The following IGF2R variants were observed in gnomAD, a reference collection of about 807,000 sequenced individuals.
IGF2R encodes the protein cation-independent mannose-6-phosphate receptor.
Under a neutral mutation model 270.6 loss-of-function variants are expected in IGF2R, and 91 were observed. That is an observed-to-expected ratio of 0.34 (90% CI 0.28 to 0.40). The LOEUF is 0.40. IGF2R is among the 10% of genes least tolerant of loss of function. The pLI, the probability that IGF2R is intolerant of heterozygous loss-of-function variation, is 1.00. For missense variants in IGF2R, 2,805 were observed against 3,188.3 expected (o/e 0.88, Z 2.90); for synonymous variants, 1,316 against 1,258.9 (o/e 1.05, Z -0.96).
intron 1 of IGF2R, among the ~76,000 whole-genome samples, chr6:159,976,271 T>A (rs927196305): frequency 6.6e-6 from 1 of 152,160 alleles, no homozygotes; most frequent in Non-Finnish European, 1.5e-5. Context: ...CCTAGAAAAT[T>A]GTCATTTTAA....
Position 160,085,262 on chromosome 6 carries a change from C to G in IGF2R, c.6205+131C>G, listed in dbSNP as rs944378109. On this transcript the variant is annotated intron_variant, in intron 41 of 47. Coordinates refer to ENST00000356956, the MANE Select transcript of IGF2R (RefSeq NM_000876.4). ...AACCTCCAGATATGATTGCCTGTCA[C>G]TGTCTCACAGGCATTTTGGCTCTCC... 7.4e-6 allele frequency: 7 copies of G among 941,808 alleles called. No individual in the cohort carries two copies. The African/African-American group carries it at 1.2e-4, about 16-fold the overall frequency. 58.3% of individuals were successfully genotyped at this position (941,808 alleles called of 1,614,324 possible). A position where few individuals can be genotyped will look rare whatever the true frequency, so the allele number is the denominator to read the frequency against.
rs59215791 is a variant in IGF2R at position 160,000,728 on chromosome 6, GTTTTTTTTTTTTTTT to G, written c.290-8271_290-8257del. Among the ~76,000 whole-genome samples the G allele has an allele frequency of 2.4e-3, 166 of 69,974 alleles. 3 individuals carry two copies. The highest frequency in any genetic ancestry group is 9.7e-3 in the African/African-American group (163 of 16,740). 45.9% of individuals were successfully genotyped at this position (69,974 alleles called of 152,430 possible). A position where few individuals can be genotyped will look rare whatever the true frequency, so the allele number is the denominator to read the frequency against. ...GGAAGATAATAGTTGGTGTGAGGTT[GTTTTTTTTTTTTTTT>G]TTTTTTTTTTGAGACAGAATCTTGC... On this transcript the variant is annotated intron_variant, in intron 2 of 47. Coordinates refer to ENST00000356956, the MANE Select transcript of IGF2R (RefSeq NM_000876.4).
chr6:160,101,371 C>T (rs1009754578), intron 45 of IGF2R, among the ~76,000 whole-genome samples: 1 of 152,178 alleles, frequency 6.6e-6, no homozygotes, highest in Non-Finnish European at 1.5e-5. Context: ...GCATAGCTCT[C>T]AGACCTGTCT....
chr6:160,046,713 A>G, intron 15 of IGF2R, 68 bp downstream of exon 15: 1 of 1,506,682 alleles, frequency 6.6e-7, no homozygotes, highest in Non-Finnish European at 9.1e-7. Context: ...TTTCAGGAAT[A>G]GGTGTGTTCT....
chr6:160,043,244 G>A lies in IGF2R; in HGVS notation c.1577G>A (p.Gly526Asp), dbSNP rs1351477394. The change falls in exon 12 of 48, where the codon GGC becomes GAC. Residue 526 changes from glycine to aspartate, a missense_variant. Coordinates refer to ENST00000356956, the MANE Select transcript of IGF2R (RefSeq NM_000876.4). ...ATTTGTCACAGAGTGCTGCAGGAAG[G>A]CAAGGCACGAGGGTGTCCCGAGGAC... ...INICHRVLQE[G>D]KARGCPEDAA... The A allele has an allele frequency of 1.9e-6, 3 of 1,614,116 alleles. No individual in the cohort carries two copies. Among genetic ancestry groups the A allele is most frequent in the Admixed American group, 1.7e-5 (1 of 60,008 alleles).
At chr6:159,979,267 A>G (rs759101355) in intron 1 of IGF2R, among the ~76,000 whole-genome samples, 1 of 151,822 alleles carries the variant, frequency 6.6e-6, no homozygotes, top group East Asian at 1.9e-4. Flanking sequence ...GTACTGAAAA[A>G]ACTCCCCCAA....
chr6:160,043,027 T>C (rs371525351), intron 11 of IGF2R, 121 bp from the exon 12 acceptor site: 5 of 1,001,416 alleles, frequency 5.0e-6, no homozygotes, highest in Middle Eastern at 2.1e-4. Context: ...GCGCTGGGGA[T>C]TGAGTGACGA....
Position 160,060,553 on chromosome 6 carries a change from C to CT in IGF2R, c.3099dup (p.Asp1034Ter). The stretch of plus-strand genomic sequence containing the variant: ...GGGCCTTCTTGCTTTACAGGTACCG[C>CT]TGATGCTTTTATCGTCCGCTTTGTT... On this transcript the variant is annotated frameshift_variant, in exon 23 of 48. Coordinates refer to ENST00000356956, the MANE Select transcript of IGF2R (RefSeq NM_000876.4). LOFTEE classifies it high-confidence loss of function. The CT allele has an allele frequency of 6.2e-7, 1 of 1,614,232 alleles. No homozygotes were observed. Among genetic ancestry groups the CT allele is most frequent in the Non-Finnish European group, 8.5e-7 (1 of 1,180,024 alleles).
chr6:160,061,289 G>A (rs1426366629), intron 23 of IGF2R, among the ~76,000 whole-genome samples: 3 of 152,324 alleles, frequency 2.0e-5, no homozygotes, highest in East Asian at 1.9e-4. Context: ...GACTACAGGC[G>A]CATGCCACCA....
Position 160,105,316 on chromosome 6 carries a change from G to A in IGF2R, c.*232G>A. Reference sequence around the variant, plus strand: ...CAGATCGGCCACAGGGCGGTACCTTGTGCCCAGGGTTTTGCCCCAAGTCCT... The same window carrying A: ...CAGATCGGCCACAGGGCGGTACCTTATGCCCAGGGTTTTGCCCCAAGTCCT... On this transcript the variant is annotated 3_prime_UTR_variant, in exon 48 of 48. Coordinates refer to ENST00000356956, the MANE Select transcript of IGF2R (RefSeq NM_000876.4). The A allele has an allele frequency of 8.3e-6, 4 of 479,352 alleles. No individual in the cohort carries two copies. Among genetic ancestry groups the A allele is most frequent in the Non-Finnish European group, 1.5e-5 (4 of 272,202 alleles). The allele number at this position is 479,352 out of a possible 1,614,324, so 29.7% of individuals were successfully genotyped here.
At chr6:159,985,482 G>T (rs1783867280) in intron 1 of IGF2R, among the ~76,000 whole-genome samples, 1 of 152,226 alleles carries the variant, frequency 6.6e-6, no homozygotes, top group African/African-American at 2.4e-5. Context: ...TGGCTCACAT[G>T]TTAGCTGTGT....
chr6:160,064,273 A>G (rs1294062368), intron 27 of IGF2R, 128 bp from the exon 28 acceptor site: 4 of 1,025,994 alleles, frequency 3.9e-6, no homozygotes, highest in Non-Finnish European at 6.1e-6. Context: ...AGTGCATGGT[A>G]TGGTGCTGGG....
Position 160,056,523 on chromosome 6 carries a change from C to T in IGF2R, c.2794C>T (p.Gln932Ter). The T allele has an allele frequency of 6.2e-7, 1 of 1,605,318 alleles. No homozygotes were observed. Among genetic ancestry groups the T allele is most frequent in the Non-Finnish European group, 8.5e-7 (1 of 1,171,988 alleles). The change falls in exon 20 of 48, where the codon CAG becomes TAG. Residue 932 changes from glutamine (Q) to a stop codon, truncating the protein, a stop_gained and splice_region_variant. Coordinates refer to ENST00000356956, the MANE Select transcript of IGF2R (RefSeq NM_000876.4). LOFTEE classifies it high-confidence loss of function. ...CATTCAGACAACGACGGATACAGACCAGGTACGTGTGCTTTCACCTGGCCC... is the reference window on the plus strand; with the variant it reads ...CATTCAGACAACGACGGATACAGACTAGGTACGTGTGCTTTCACCTGGCCC... ...CPIQTTTDTDQACSIRDPNSG... is the reference protein window; with the variant it reads ...CPIQTTTDTD
At chr6:160,008,873 T>A in intron 2 of IGF2R, 137 bp from the exon 3 acceptor site, 1 of 838,848 alleles carries the variant, frequency 1.2e-6, no homozygotes. Context: ...GATGGAAAAT[T>A]CTGGGAAAGG....
intron 3 of IGF2R, among the ~76,000 whole-genome samples, chr6:160,009,649 C>T (rs1784303077): frequency 6.6e-6 from 1 of 151,984 alleles, no homozygotes; most frequent in South Asian, 2.1e-4. Context: ...TATGATTGTT[C>T]TTATTATGGG....
intron 28 of IGF2R, 87 bp from the exon 29 acceptor site, chr6:160,064,717 T>C: frequency 8.8e-7 from 1 of 1,136,728 alleles, no homozygotes; most frequent in South Asian, 1.3e-5. Context: ...ACGTAACCAT[T>C]CTTTACTATT....
chr6:160,065,564 C>G (rs1778552649), intron 29 of IGF2R, among the ~76,000 whole-genome samples: 1 of 151,794 alleles, frequency 6.6e-6, no homozygotes, highest in Non-Finnish European at 1.5e-5. Context: ...TTTTAGTAAC[C>G]TTACCTTTTC....
At chr6:160,072,964 C>CA in intron 33 of IGF2R, 80 bp downstream of exon 33, 1 of 1,521,406 alleles carries the variant, frequency 6.6e-7, no homozygotes, top group Non-Finnish European at 8.8e-7. Context: ...ATGCTAATGG[C>CA]AAAAAGGATG....
intron 22 of IGF2R, 121 bp from the exon 23 acceptor site, chr6:160,060,426 C>G: frequency 1.1e-6 from 1 of 918,076 alleles, no homozygotes; most frequent in Middle Eastern, 2.5e-4. Context: ...TGTCATTGCT[C>G]CCACGAACGG....
Sources: gnomAD v4.1 joint callset for allele counts (sites outside exome capture counted in the v4.1 genomes callset) on GRCh38, gnomAD v4.1.1 for gene constraint, MANE v1.5 for transcripts, NCBI Gene and HGNC (gene_info 2026-07-23, HGNC 2026-07-21) for gene names.